MYZAP: variants seen among roughly 807,000 people sequenced by gnomAD.
MYZAP encodes the protein GRINL1A complex locus upstream.
Under a neutral mutation model 69.4 loss-of-function variants are expected in MYZAP, and 66 were observed. That is an observed-to-expected ratio of 0.95 (90% confidence interval 0.78 to 1.17). The LOEUF is 1.17. Ranked by LOEUF, MYZAP falls within the 50% of genes most tolerant of loss-of-function variation. The pLI, the probability that MYZAP is intolerant of heterozygous loss-of-function variation, is 0.00. For missense variants in MYZAP, 611 were observed against 556.2 expected (o/e 1.10, Z -0.99); for synonymous variants, 256 against 205.9 (o/e 1.24, Z -2.09).
At position 57,659,237 on chromosome 15, in the gene MYZAP, C is replaced by T. The variant is rs200953313; in HGVS notation, c.1120-2213C>T. Among the ~76,000 whole-genome samples, 44 of 152,150 alleles carry T rather than the reference C, an allele frequency of 2.9e-4. No individual in the cohort carries two copies. The East Asian group carries it at 5.6e-3, about 19-fold the overall frequency. On this transcript the variant is annotated intron_variant, in intron 10 of 12. Coordinates refer to ENST00000267853, the MANE Select transcript of MYZAP (RefSeq NM_001018100.5). Reference sequence around the variant, plus strand: ...TTTTCAGGCATAACAAGGTATCTCACGTTCATCTAGTTTATTTTTTTGTCC... The same window carrying T: ...TTTTCAGGCATAACAAGGTATCTCATGTTCATCTAGTTTATTTTTTTGTCC...
intron 8 of MYZAP, among the ~76,000 whole-genome samples, chr15:57,636,965 C>T (rs2036854746): frequency 6.6e-6 from 1 of 152,144 alleles, no homozygotes; most frequent in African/African-American, 2.4e-5. Flanking sequence ...GAAGGGAATG[C>T]ATTTCCCTGC....
chr15:57,680,592 A>G (rs2039385059), intron 12 of MYZAP: 1 of 152,214 alleles, frequency 6.6e-6, no homozygotes, highest in African/African-American at 2.4e-5. Context: ...GCCATTGAGA[A>G]CAAGTGCAGG....
At chr15:57,683,611 A>G (rs141416298) in intron 12 of MYZAP, among the ~76,000 whole-genome samples, 129 of 152,308 alleles carry the variant, frequency 8.5e-4, no homozygotes, top group African/African-American at 3.0e-3. Context: ...ATAACAAAGT[A>G]CCATAAACTA....
chr15:57,599,582 G>A, intron 1 of MYZAP: 1 of 1,287,506 alleles, frequency 7.8e-7, no homozygotes, highest in Non-Finnish European at 1.0e-6. Context: ...GCTGCTTTGG[G>A]AACCCCTGGG....
chr15:57,678,286 C>T (rs1296326867), intron 12 of MYZAP, among the ~76,000 whole-genome samples: 8 of 151,846 alleles, frequency 5.3e-5, no homozygotes, highest in African/African-American at 7.3e-5. Context: ...AGCTTGAACC[C>T]GGGAGGCAGA....
chr15:57,663,079 C>G (rs1352185001), intron 11 of MYZAP, among the ~76,000 whole-genome samples: 2 of 152,138 alleles, frequency 1.3e-5, no homozygotes, highest in African/African-American at 4.8e-5. Context: ...GGAGGAAGCA[C>G]ACCTTCCCCA....
chr15:57,658,186 G>A (rs901428321), intron 10 of MYZAP, among the ~76,000 whole-genome samples: 1 of 152,104 alleles, frequency 6.6e-6, no homozygotes, highest in Non-Finnish European at 1.5e-5. Context: ...TCAGCAAATA[G>A]CAAGATTTGG....
intron 10 of MYZAP, chr15:57,647,427 G>GT: frequency 1.0e-6 from 1 of 985,342 alleles, no homozygotes; most frequent in Non-Finnish European, 1.2e-6. Context: ...TTGCTGTAAT[G>GT]TTTTTCTAAG....
intron 1 of MYZAP, among the ~76,000 whole-genome samples, chr15:57,598,988 G>A (rs1267826889): frequency 1.3e-5 from 2 of 152,158 alleles, no homozygotes; most frequent in Non-Finnish European, 2.9e-5. Flanking sequence ...TAAGATTAGT[G>A]TTCTTCTTCC....
chr15:57,604,744 C>T (rs974126574), intron 2 of MYZAP, among the ~76,000 whole-genome samples: 26 of 152,342 alleles, frequency 1.7e-4, no homozygotes, highest in Admixed American at 3.3e-4. Context: ...CTTGGAGCAG[C>T]AGCCGGGGGC....
At chr15:57,633,769 C>T in intron 8 of MYZAP, 28 bp downstream of exon 8, 2 of 1,496,298 alleles carry the variant, frequency 1.3e-6, no homozygotes, top group East Asian at 2.4e-5. Flanking sequence ...GCCTATTGCC[C>T]ACTTGCCCAA....
intron 2 of MYZAP, among the ~76,000 whole-genome samples, chr15:57,609,618 T>G (rs1457022050): frequency 6.6e-6 from 1 of 152,230 alleles, no homozygotes; most frequent in Non-Finnish European, 1.5e-5. Context: ...GGGACACTCT[T>G]CAACCCATAA....
chr15:57,599,208 A>G (rs758077650), intron 1 of MYZAP, among the ~76,000 whole-genome samples: 30 of 152,188 alleles, frequency 2.0e-4, no homozygotes, highest in East Asian at 3.8e-4. Flanking sequence ...GTCAGAACCA[A>G]TACTGGAAGC....
chr15:57,644,107 G>C (rs181382103), intron 10 of MYZAP, among the ~76,000 whole-genome samples: 3 of 152,176 alleles, frequency 2.0e-5, no homozygotes, highest in Non-Finnish European at 4.4e-5. Context: ...GTTTTGTTTC[G>C]TTTTAAAAAC....
intron 2 of MYZAP, among the ~76,000 whole-genome samples, chr15:57,617,755 G>A (rs1006744450): frequency 2.0e-5 from 3 of 152,180 alleles, no homozygotes; most frequent in Admixed American, 6.5e-5. Context: ...ACGCAAGTCC[G>A]TCTGGTATCT....
intron 4 of MYZAP, among the ~76,000 whole-genome samples, chr15:57,624,534 G>A (rs2036009261): frequency 6.6e-6 from 1 of 152,186 alleles, no homozygotes; most frequent in South Asian, 2.1e-4. Context: ...ATTCTCACCT[G>A]CTTATGGAAA....
chr15:57,650,218 A>G (rs1479380530), intron 10 of MYZAP, among the ~76,000 whole-genome samples: 2 of 152,104 alleles, frequency 1.3e-5, no homozygotes, highest in African/African-American at 2.4e-5. Context: ...TTGTCTTTGA[A>G]CAATCCTGTT....
chr15:57,668,089 G>T (rs2038676072), intron 11 of MYZAP, among the ~76,000 whole-genome samples: 1 of 152,164 alleles, frequency 6.6e-6, no homozygotes, highest in South Asian at 2.1e-4. Flanking sequence ...CTTTCACTCA[G>T]CATAATGATT....
Position 57,604,294 on chromosome 15 carries a change from C to G in MYZAP, c.101C>G (p.Thr34Ser). 1 of 1,614,218 alleles carries G rather than the reference C, an allele frequency of 6.2e-7. No homozygotes were observed. The highest frequency in any genetic ancestry group is 8.5e-7 in the Non-Finnish European group (1 of 1,180,036). ...RRANVCRLRLTVPPESPVPEQ... is the reference protein window; with the variant it reads ...RRANVCRLRLSVPPESPVPEQ... ...GCAAATGTTTGCAGACTACGGCTGA[C>G]CGTACCTCCTGAGAGTCCAGTTCCT... Residue 34 changes from threonine (T) to serine (S), a missense_variant, in exon 2 of 13, where the codon ACC (threonine) becomes AGC (serine). Physicochemically the swap from Thr to Ser is moderately conservative, Grantham distance 58. Coordinates refer to ENST00000267853, the MANE Select transcript of MYZAP (RefSeq NM_001018100.5).
Sources: allele counts gnomAD v4.1 joint callset (sites outside exome capture counted in the v4.1 genomes callset), GRCh38; gene constraint gnomAD v4.1.1; transcripts MANE v1.5; gene names NCBI Gene and HGNC (gene_info 2026-07-23, HGNC 2026-07-21).